The following BACH2 variants were observed in gnomAD, a reference collection of about 807,000 sequenced individuals.
BACH2 encodes the protein transcription regulator protein BACH2.
In BACH2, 5 loss-of-function variants were observed where a neutral mutation model predicts 61.8. The ratio of observed to expected loss-of-function variants is 0.08; its 90% CI spans 0.04 to 0.17. The LOEUF (loss-of-function observed/expected upper bound fraction) is 0.17. BACH2 is among the 10% of genes least tolerant of loss of function. The pLI is 1.00. For synonymous variants in BACH2, 446 were observed against 440.1 expected (o/e 1.01, Z -0.17); for missense variants, 824 against 1,091.1 (o/e 0.76, Z 3.45).
intron 4 of BACH2, among the ~76,000 whole-genome samples, chr6:90,099,133 C>T (rs1301377862): frequency 1.3e-5 from 2 of 152,140 alleles, no homozygotes; most frequent in Non-Finnish European, 2.9e-5. Flanking sequence ...AAGCATACTT[C>T]AGCCTTCATA....
rs185221777 is a variant in BACH2 at position 89,966,180 on chromosome 6, T to C, written c.244-14318A>G. ...AGTATTTCTACAGTCTTTAGTCTCT[T>C]TCATCTAAGTCCTTTACCAACCATC... On this transcript the variant is annotated intron_variant, in intron 6 of 8. Coordinates refer to ENST00000257749, the MANE Select transcript of BACH2 (RefSeq NM_021813.4). Among the ~76,000 whole-genome samples, 49 of 152,328 alleles carry C rather than the reference T, an allele frequency of 3.2e-4. 1 individual carries two copies. Among genetic ancestry groups the C allele is most frequent in the African/African-American group, 1.2e-3 (48 of 41,570 alleles).
At chr6:90,141,639 T>C (rs930242786) in intron 4 of BACH2, among the ~76,000 whole-genome samples, 5 of 152,184 alleles carry the variant, frequency 3.3e-5, no homozygotes, top group African/African-American at 1.2e-4. Flanking sequence ...CTTTGCTAAC[T>C]TGAGTATATA....
At chr6:90,192,130 AATCTT>A (rs758212218) in intron 4 of BACH2, among the ~76,000 whole-genome samples, 3 of 152,196 alleles carry the variant, frequency 2.0e-5, no homozygotes, top group Non-Finnish European at 4.4e-5. Flanking sequence ...TAATGACTAA[AATCTT>A]ACATTACATA....
intron 4 of BACH2, among the ~76,000 whole-genome samples, chr6:90,153,351 TA>T (rs934420552): frequency 6.6e-6 from 1 of 152,132 alleles, no homozygotes; most frequent in African/African-American, 2.4e-5. Flanking sequence ...TTTTCCTAAA[TA>T]AGAGTAATCC....
intron 3 of BACH2, among the ~76,000 whole-genome samples, chr6:90,232,922 C>A (rs894399937): frequency 6.6e-6 from 1 of 152,012 alleles, no homozygotes; most frequent in African/African-American, 2.4e-5. Flanking sequence ...ATCTCTGAGG[C>A]CAAATTAAAA....
chr6:90,289,573 C>A (rs1042290998), intron 1 of BACH2, among the ~76,000 whole-genome samples: 1 of 152,154 alleles, frequency 6.6e-6, no homozygotes, highest in Non-Finnish European at 1.5e-5. Context: ...CTGGGACACA[C>A]TGGAAGAAGG....
chr6:90,113,773 T>C (rs1783279784), intron 4 of BACH2, among the ~76,000 whole-genome samples: 1 of 151,610 alleles, frequency 6.6e-6, no homozygotes, highest in Non-Finnish European at 1.5e-5. Context: ...GGATAGGCCA[T>C]CAGCTAGACT....
chr6:90,222,672 C>T (rs376312414), intron 3 of BACH2, among the ~76,000 whole-genome samples: 3 of 152,140 alleles, frequency 2.0e-5, no homozygotes, highest in African/African-American at 2.4e-5. Flanking sequence ...CAATATGGTA[C>T]GTTCAGCATG....
At chr6:90,077,989 A>C (rs1324538041) in intron 5 of BACH2, among the ~76,000 whole-genome samples, 1 of 152,130 alleles carries the variant, frequency 6.6e-6, no homozygotes, top group Non-Finnish European at 1.5e-5. Flanking sequence ...GTGGAAAAGG[A>C]CTCTAGAAGG....
rs1216457890 is a variant in BACH2 at position 90,169,166 on chromosome 6, A to T, written c.-162+37403T>A. ...GTTGCTTTCTCTCAGGTTACTGGTG[A>T]TTAAAAAAAAAAAAAAGATTTTCTG... On this transcript the variant is annotated intron_variant, in intron 4 of 8. Transcript: ENST00000257749. Among the ~76,000 whole-genome samples the T allele has an allele frequency of 2.7e-5, 4 of 148,778 alleles. No individual in the cohort carries two copies. In the South Asian group the frequency reaches 8.8e-4, roughly 33 times the overall value.
chr6:90,280,840 A>G (rs553569924), intron 1 of BACH2, among the ~76,000 whole-genome samples: 7 of 152,224 alleles, frequency 4.6e-5, no homozygotes, highest in Admixed American at 3.9e-4. Flanking sequence ...CATTACAGGG[A>G]GGGACTTGTA....
chr6:90,222,112 C>T (rs1417582878), intron 3 of BACH2, among the ~76,000 whole-genome samples: 1 of 152,128 alleles, frequency 6.6e-6, no homozygotes, highest in Non-Finnish European at 1.5e-5. Context: ...TTTGTTCATA[C>T]TGAGTCTTTG....
At chr6:90,033,426 T>C (rs562133585) in intron 5 of BACH2, among the ~76,000 whole-genome samples, 3 of 151,416 alleles carry the variant, frequency 2.0e-5, no homozygotes, top group Non-Finnish European at 4.4e-5. Flanking sequence ...CACAGGAATG[T>C]GCTTTAGTTC....
chr6:90,293,970 T>A (rs1772259253), intron 1 of BACH2, among the ~76,000 whole-genome samples: 1 of 152,220 alleles, frequency 6.6e-6, no homozygotes, highest in Non-Finnish European at 1.5e-5. Context: ...AAATAATAAA[T>A]GGCTTTCTCC....
At chr6:90,069,450 T>C (rs1781120944) in intron 5 of BACH2, among the ~76,000 whole-genome samples, 1 of 152,228 alleles carries the variant, frequency 6.6e-6, no homozygotes, top group South Asian at 2.1e-4. Context: ...ATTTGCTATG[T>C]CTGAGTTAAT....
intron 5 of BACH2, among the ~76,000 whole-genome samples, chr6:90,050,378 G>T (rs1334913897): frequency 6.6e-6 from 1 of 152,082 alleles, no homozygotes; most frequent in South Asian, 2.1e-4. Context: ...AAATTTTAAC[G>T]TAATATCGAA....
chr6:90,060,627 G>T (rs1038543108), intron 5 of BACH2, among the ~76,000 whole-genome samples: 2 of 151,734 alleles, frequency 1.3e-5, no homozygotes, highest in Admixed American at 1.3e-4. Context: ...CCCTTGGTGG[G>T]GAAGGAGTAA....
At chr6:90,073,873 T>C (rs542288749) in intron 5 of BACH2, among the ~76,000 whole-genome samples, 20 of 152,324 alleles carry the variant, frequency 1.3e-4, no homozygotes, top group African/African-American at 4.6e-4. Flanking sequence ...AAACTTCGTC[T>C]TGAATCTAAG....
chr6:89,998,381 G>T (rs1471874020), intron 6 of BACH2, among the ~76,000 whole-genome samples: 1 of 152,166 alleles, frequency 6.6e-6, no homozygotes, highest in East Asian at 1.9e-4. Flanking sequence ...TTACTAGCTG[G>T]CTTGGAGGTG....
Sources: allele counts gnomAD v4.1 joint callset (sites outside exome capture counted in the v4.1 genomes callset), GRCh38; gene constraint gnomAD v4.1.1; transcripts MANE v1.5; gene names NCBI Gene and HGNC (gene_info 2026-07-23, HGNC 2026-07-21).